ABCC11: variants seen among roughly 807,000 people sequenced by gnomAD.
The protein encoded by ABCC11 is ATP-binding cassette sub-family C member 11.
ABCC11 carries 135 observed loss-of-function variants against 149.3 expected under a neutral mutation model. The observed-to-expected ratio is 0.90, with a 90% confidence interval of 0.79 to 1.04. The LOEUF (loss-of-function observed/expected upper bound fraction) is 1.04. Among genes scored for constraint, ABCC11 ranks in the 50% least tolerant of loss-of-function variants. The probability of loss-of-function intolerance (pLI) is 0.00; values close to 1 mark genes in which losing one functional copy is unlikely to be tolerated. For synonymous variants in ABCC11, 665 were observed against 671.4 expected (o/e 0.99, Z 0.15); for missense variants, 1,680 against 1,722.1 (o/e 0.98, Z 0.43).
At chr16:48,211,609 C>G (rs999356681) in intron 10 of ABCC11, among the ~76,000 whole-genome samples, 4 of 151,908 alleles carry the variant, frequency 2.6e-5, no homozygotes, top group African/African-American at 4.8e-5. Context: ...CTTTGGGAGG[C>G]CAAGTCGGGG....
chr16:48,178,738 G>A (rs1420386399), intron 23 of ABCC11, 52 bp from the exon 24 acceptor site: 1 of 1,523,730 alleles, frequency 6.6e-7, no homozygotes, highest in Admixed American at 1.7e-5. Context: ...GGTGTGCTCA[G>A]GCTCTTCAAC....
At chr16:48,222,049 G>A (rs574528886) in intron 6 of ABCC11, among the ~76,000 whole-genome samples, 122 of 151,676 alleles carry the variant, frequency 8.0e-4, no homozygotes, top group African/African-American at 2.7e-3. Flanking sequence ...TGAGTAGCTG[G>A]GTCTACAGGC....
At chr16:48,175,831 C>T (rs1041921978) in intron 25 of ABCC11, among the ~76,000 whole-genome samples, 61 of 151,210 alleles carry the variant, frequency 4.0e-4, no homozygotes, top group African/African-American at 1.3e-3. Flanking sequence ...TGGAGCTGAG[C>T]GCAGCCACTT....
At chr16:48,245,121 A>G (rs560387576) in intron 1 of ABCC11, among the ~76,000 whole-genome samples, 6 of 151,880 alleles carry the variant, frequency 4.0e-5, no homozygotes, top group Non-Finnish European at 8.8e-5. Flanking sequence ...TTTCATTCCT[A>G]AACTGCACTA....
chr16:48,238,185 G>A (rs1458535230), intron 1 of ABCC11, among the ~76,000 whole-genome samples: 2 of 152,150 alleles, frequency 1.3e-5, no homozygotes, highest in Admixed American at 1.3e-4. Context: ...AAAGAAGGTG[G>A]GATCCTGTCA....
intron 15 of ABCC11, among the ~76,000 whole-genome samples, chr16:48,199,146 G>T (rs115815303): frequency 0.017 from 2,604 of 151,658 alleles, 87 homozygotes; most frequent in African/African-American, 0.06. Context: ...GACACAGAAA[G>T]TAAAAAATAA....
intron 14 of ABCC11, among the ~76,000 whole-genome samples, chr16:48,201,563 T>C (rs1211596225): frequency 1.4e-5 from 2 of 147,768 alleles, no homozygotes; most frequent in Non-Finnish European, 3.0e-5. Context: ...TTCTCCCACC[T>C]TGGCCTCCCA....
At chr16:48,188,719 A>G (rs1041058259) in intron 20 of ABCC11, among the ~76,000 whole-genome samples, 2 of 152,234 alleles carry the variant, frequency 1.3e-5, no homozygotes, top group African/African-American at 2.4e-5. Flanking sequence ...CCATGATCCA[A>G]TTAGGCCTTC....
Position 48,165,963 on chromosome 16 carries a change from G to C in ABCC11, c.*1311C>G, listed in dbSNP as rs982270190. ...GGTGGGGGAGTGAGAACAAGAAAGA[G>C]AGAAAACAAATTATTTTATTTTCAG... is the stretch of plus-strand genomic sequence containing the variant. On this transcript the variant is annotated 3_prime_UTR_variant, in exon 30 of 30. Transcript: ENST00000356608. 1 of 152,196 alleles carries C rather than the reference G, an allele frequency of 6.6e-6. No individual in the cohort carries two copies. Among genetic ancestry groups the C allele is most frequent in the African/African-American group, 2.4e-5 (1 of 41,444 alleles). 9.4% of individuals were successfully genotyped at this position (152,196 alleles called of 1,614,324 possible). A position where few individuals can be genotyped will look rare whatever the true frequency, so the allele number is the denominator to read the frequency against.
chr16:48,208,947 C>T (rs558232775), intron 11 of ABCC11, among the ~76,000 whole-genome samples: 1 of 152,170 alleles, frequency 6.6e-6, no homozygotes, highest in Non-Finnish European at 1.5e-5. Context: ...CCTCTATGGA[C>T]CTAGTAATGA....
At chr16:48,210,461 T>G (rs1488183233) in intron 11 of ABCC11, 1 of 156,598 alleles carries the variant, frequency 6.4e-6, no homozygotes, top group Admixed American at 6.1e-5. Context: ...TCAATTATTA[T>G]AAGGTATCAA....
intron 6 of ABCC11, among the ~76,000 whole-genome samples, chr16:48,217,282 TG>T (rs1360362171): frequency 6.6e-6 from 1 of 152,184 alleles, no homozygotes; most frequent in Non-Finnish European, 1.5e-5. Flanking sequence ...TAGATTCTTC[TG>T]CCTACTTCCC....
intron 6 of ABCC11, among the ~76,000 whole-genome samples, chr16:48,222,015 G>A (rs1969774621): frequency 6.6e-6 from 1 of 151,262 alleles, no homozygotes; most frequent in Non-Finnish European, 1.5e-5. Context: ...CCTGGGCTCA[G>A]ATGATCCTCC....
chr16:48,165,070 GA>G, downstream of ABCC11: 1 of 152,180 alleles, frequency 6.6e-6, no homozygotes, highest in Non-Finnish European at 1.5e-5. Flanking sequence ...GTCGCTCAAG[GA>G]AAAGACGGCA....
chr16:48,174,123 T>A (rs1215143139), intron 26 of ABCC11, among the ~76,000 whole-genome samples: 1 of 152,226 alleles, frequency 6.6e-6, no homozygotes, highest in Admixed American at 6.5e-5. Context: ...TAGCATTTTG[T>A]ACATATCTCT....
At position 48,174,699 on chromosome 16, in the gene ABCC11, G is replaced by A. The variant is rs532286001; in HGVS notation, c.3698+559C>T. On this transcript the variant is annotated intron_variant, in intron 26 of 29. Coordinates refer to ENST00000356608, the MANE Select transcript of ABCC11 (RefSeq NM_001370497.1). ...CCCCAGGGGCTTTGCCCAGTGCACA[G>A]AGAGAATAAGCTACATCTGGACAAG... is the stretch of plus-strand genomic sequence containing the variant. Among the ~76,000 whole-genome samples the A allele has an allele frequency of 1.4e-4, 22 of 152,306 alleles. No homozygotes were observed. In the South Asian group the frequency reaches 3.5e-3, roughly 24 times the overall value.
Position 48,243,968 on chromosome 16 carries a change from C to T in ABCC11, c.-19+3346G>A, listed in dbSNP as rs533143824. Among the ~76,000 whole-genome samples, 16 of 148,078 alleles carry T rather than the reference C, an allele frequency of 1.1e-4. No individual in the cohort carries two copies. The East Asian group carries it at 2.9e-3, about 27-fold the overall frequency. ...TATCGCGCCATTGCACTCCAGCCTC[C>T]GCGACAGAGCGAGAATCTGTCTCAG... On this transcript the variant is annotated intron_variant, in intron 1 of 29. Transcript: ENST00000356608.
intron 12 of ABCC11, among the ~76,000 whole-genome samples, chr16:48,206,061 C>T (rs189687636): frequency 1.3e-3 from 201 of 152,282 alleles, no homozygotes; most frequent in African/African-American, 4.4e-3. Flanking sequence ...CTGTCCGCCT[C>T]GGCCTCCCAA....
chr16:48,221,682 A>C (rs181648658), intron 6 of ABCC11, among the ~76,000 whole-genome samples: 1 of 152,284 alleles, frequency 6.6e-6, no homozygotes, highest in East Asian at 1.9e-4. Flanking sequence ...TCAGGGGCCT[A>C]TCCCCAGGGT....
Sources: allele counts gnomAD v4.1 joint callset (sites outside exome capture counted in the v4.1 genomes callset), GRCh38; gene constraint gnomAD v4.1.1; transcripts MANE v1.5; gene names NCBI Gene and HGNC (gene_info 2026-07-23, HGNC 2026-07-21).